Variants in RPS5 observed in about 807,000 individuals in gnomAD.
The protein encoded by RPS5 is small ribosomal subunit protein uS7.
Under a neutral mutation model 20.9 loss-of-function variants are expected in RPS5, and 2 were observed. The observed-to-expected ratio is 0.10, with a 90% CI of 0.04 to 0.30. The LOEUF (loss-of-function observed/expected upper bound fraction) is 0.30. Ranked by LOEUF, RPS5 falls within the 10% of genes least tolerant of loss-of-function variation. RPS5 has a pLI of 1.00. For synonymous variants in RPS5, 112 were observed against 105.8 expected (o/e 1.06, Z -0.36); for missense variants, 122 against 287.2 (o/e 0.42, Z 4.16).
chr19:58,391,680 C>T (rs1252232347), intron 2 of RPS5, among the ~76,000 whole-genome samples: 2 of 151,918 alleles, frequency 1.3e-5, no homozygotes, highest in Non-Finnish European at 2.9e-5. Flanking sequence ...AATCCCATCA[C>T]TTTGGGAGGC....
chr19:58,388,493 C>T (rs982248362), intron 2 of RPS5: 1 of 546,944 alleles, frequency 1.8e-6, no homozygotes, highest in Non-Finnish European at 3.2e-6. Flanking sequence ...ATTTTTGTTA[C>T]TGTTTTTGTA....
At chr19:58,393,296 G>A in intron 3 of RPS5, 63 bp from the exon 4 acceptor site, 3 of 1,608,480 alleles carry the variant, frequency 1.9e-6, no homozygotes, top group African/African-American at 1.3e-5. Context: ...CTTGTTTTAG[G>A]TATGAGGAAA....
At chr19:58,391,432 CAAAA>C (rs35576516) in intron 2 of RPS5, among the ~76,000 whole-genome samples, 2 of 75,988 alleles carry the variant, frequency 2.6e-5, no homozygotes, top group East Asian at 3.5e-4. Flanking sequence ...AACTCCATCT[CAAAA>C]AAAAAAAAAA....
intron 1 of RPS5, 50 bp downstream of exon 1, chr19:58,387,389 G>C (rs981243115): frequency 1.3e-5 from 2 of 152,244 alleles, no homozygotes; most frequent in African/African-American, 2.4e-5. Flanking sequence ...ATGGTCTTTC[G>C]GGGATAGTGC....
chr19:58,389,990 G>C (rs1361964757), intron 2 of RPS5, among the ~76,000 whole-genome samples: 2 of 152,110 alleles, frequency 1.3e-5, no homozygotes. Flanking sequence ...TGCCTCCTGG[G>C]TTCAAGCGAT....
chr19:58,390,097 A>G (rs1002127803), intron 2 of RPS5, among the ~76,000 whole-genome samples: 1 of 151,406 alleles, frequency 6.6e-6, no homozygotes. Context: ...GTTTCATCAT[A>G]TTGGTCAGGC....
At chr19:58,392,756 G>A (rs1171085036) in intron 2 of RPS5, among the ~76,000 whole-genome samples, 1 of 152,094 alleles carries the variant, frequency 6.6e-6, no homozygotes, top group Non-Finnish European at 1.5e-5. Flanking sequence ...CCATTACGAA[G>A]GAAGTGTACT....
chr19:58,392,863 A>G, intron 2 of RPS5, 113 bp from the exon 3 acceptor site: 1 of 944,518 alleles, frequency 1.1e-6, no homozygotes, highest in Non-Finnish European at 1.6e-6. Context: ...CCAGGATCCC[A>G]GACAGCTGTT....
chr19:58,394,262 G>C (rs771687397), intron 4 of RPS5: 13 of 539,870 alleles, frequency 2.4e-5, no homozygotes, highest in Non-Finnish European at 4.4e-5. Flanking sequence ...GTTTGCTGTT[G>C]AGGCAGGTCT....
intron 4 of RPS5, chr19:58,394,286 C>T: frequency 1.8e-6 from 1 of 567,024 alleles, no homozygotes; most frequent in South Asian, 2.0e-5. Context: ...TCTCCTGTCA[C>T]TGGGGACGCA....
At chr19:58,387,961 C>G in intron 1 of RPS5, 176 bp from the exon 2 acceptor site, 3 of 595,658 alleles carry the variant, frequency 5.0e-6, no homozygotes, top group South Asian at 4.0e-5. Context: ...ATGCTTCTTG[C>G]TGACAGCTGA....
At chr19:58,387,891 C>T (rs1365965606) in intron 1 of RPS5, 1 of 540,582 alleles carries the variant, frequency 1.8e-6, no homozygotes, top group Non-Finnish European at 3.3e-6. Flanking sequence ...GGTCCCAGTG[C>T]AGCAGCTGTT....
chr19:58,390,228 C>T (rs1344916368), intron 2 of RPS5, among the ~76,000 whole-genome samples: 2 of 146,764 alleles, frequency 1.4e-5, no homozygotes, highest in Non-Finnish European at 3.0e-5. Flanking sequence ...GAGTCTCTCT[C>T]TGCCTCCCAG....
intron 2 of RPS5, among the ~76,000 whole-genome samples, chr19:58,392,187 G>A (rs527882034): frequency 3.3e-5 from 5 of 152,092 alleles, no homozygotes; most frequent in Non-Finnish European, 5.9e-5. Flanking sequence ...AGCTGGGCTT[G>A]GTGGCGCGTG....
At chr19:58,387,963 G>C (rs2052337398) in intron 1 of RPS5, 174 bp from the exon 2 acceptor site, 9 of 596,896 alleles carry the variant, frequency 1.5e-5, no homozygotes, top group Non-Finnish European at 2.1e-5. Context: ...GCTTCTTGCT[G>C]ACAGCTGAGT....
Position 58,390,865 on chromosome 19 carries a change from C to G in RPS5, c.109-2111C>G, listed in dbSNP as rs574528887. ...GAGACTGTGAGTTTTTTTTTTCTTG[C>G]AGCCAGACTATGAAATAGTACTGAG... is the stretch of plus-strand genomic sequence containing the variant. On this transcript the variant is annotated intron_variant, in intron 2 of 5. Coordinates refer to ENST00000196551, the MANE Select transcript of RPS5 (RefSeq NM_001009.4). 4.6e-5 allele frequency among the ~76,000 whole-genome samples: 7 copies of G among 151,954 alleles called. No individual in the cohort carries two copies. The East Asian group carries it at 1.4e-3, about 29-fold the overall frequency.
chr19:58,390,426 C>CT (rs61279930), intron 2 of RPS5, among the ~76,000 whole-genome samples: 740 of 47,712 alleles, frequency 0.016, 167 homozygotes, highest in African/African-American at 0.042. Context: ...GCCACTGTTA[C>CT]TTTTTTTTTT....
intron 4 of RPS5, chr19:58,393,737 C>CT (rs927614331): frequency 0.05 from 18,252 of 366,022 alleles, no homozygotes; most frequent in East Asian, 0.096. Context: ...TGTATATGTA[C>CT]TTTTTTTTTT....
chr19:58,391,618 A>G (rs1235690861), intron 2 of RPS5, among the ~76,000 whole-genome samples: 2 of 151,446 alleles, frequency 1.3e-5, no homozygotes, highest in Non-Finnish European at 2.9e-5. Flanking sequence ...CAAACAAACA[A>G]AAAACCCAAA....
Sources: gnomAD v4.1 joint callset for allele counts (sites outside exome capture counted in the v4.1 genomes callset) on GRCh38, gnomAD v4.1.1 for gene constraint, MANE v1.5 for transcripts, NCBI Gene and HGNC (gene_info 2026-07-23, HGNC 2026-07-21) for gene names.